PCDH15: variants seen among roughly 807,000 people sequenced by gnomAD.
PCDH15 encodes the protein protocadherin-15.
In PCDH15, 129 loss-of-function variants were observed where a neutral mutation model predicts 178.5. The ratio of observed to expected loss-of-function variants is 0.72; its 90% confidence interval spans 0.63 to 0.84. The LOEUF (loss-of-function observed/expected upper bound fraction) is 0.84, where lower values mean the gene tolerates loss of function less well. Among genes scored for constraint, PCDH15 ranks in the 40% least tolerant of loss-of-function variants. The probability of loss-of-function intolerance (pLI) is 0.00; values close to 1 mark genes in which losing one functional copy is unlikely to be tolerated. For synonymous variants in PCDH15, 800 were observed against 732.0 expected, an observed-to-expected ratio of 1.09 and a Z score of -1.50; for missense variants, 2,230 against 2,099.9, an observed-to-expected ratio of 1.06 and a Z score of -1.21.
chr10:53,948,920 G>A (rs2086790240), intron 23 of PCDH15, among the ~76,000 whole-genome samples: 1 of 152,090 alleles, frequency 6.6e-6, no homozygotes, highest in African/African-American at 2.4e-5. Flanking sequence ...TAAAATTAAT[G>A]TATCCTACTG....
chr10:54,408,599 C>T (rs2135583446), intron 3 of PCDH15, among the ~76,000 whole-genome samples: 1 of 152,284 alleles, frequency 6.6e-6, no homozygotes, highest in African/African-American at 2.4e-5. Context: ...TTACACAAAA[C>T]TTATTCCAAC....
chr10:55,409,110 A>C (rs1210042766), intron 2 of PCDH15, among the ~76,000 whole-genome samples: 18 of 150,240 alleles, frequency 1.2e-4, no homozygotes, highest in Admixed American at 1.2e-3. Context: ...TGTGTTCAAT[A>C]GATCAGTGAC....
At chr10:55,013,557 A>T (rs920984752) in intron 2 of PCDH15, among the ~76,000 whole-genome samples, 2 of 152,070 alleles carry the variant, frequency 1.3e-5, no homozygotes, top group South Asian at 4.2e-4. Context: ...TGCTTAGTAA[A>T]CTGCAGTACC....
chr10:53,839,703 C>T (rs2077525656), intron 29 of PCDH15, among the ~76,000 whole-genome samples: 1 of 151,166 alleles, frequency 6.6e-6, no homozygotes, highest in Non-Finnish European at 1.5e-5. Context: ...TTTAAGTGTG[C>T]TCGAATAACA....
chr10:53,942,543 T>A (rs2086162168), intron 23 of PCDH15, among the ~76,000 whole-genome samples: 1 of 152,314 alleles, frequency 6.6e-6, no homozygotes, highest in Non-Finnish European at 1.5e-5. Flanking sequence ...GCCAACTTTT[T>A]GGGTATATCC....
chr10:54,309,192 A>T (rs2060740250), intron 8 of PCDH15, among the ~76,000 whole-genome samples: 1 of 152,030 alleles, frequency 6.6e-6, no homozygotes, highest in Non-Finnish European at 1.5e-5. Flanking sequence ...CAAGAATTAT[A>T]ACCTGGGACT....
At chr10:53,900,276 C>T (rs2082254543) in intron 26 of PCDH15, among the ~76,000 whole-genome samples, 2 of 149,680 alleles carry the variant, frequency 1.3e-5, no homozygotes, top group South Asian at 4.3e-4. Context: ...CTTTCTCTCA[C>T]TATTGTATAA....
At chr10:54,985,233 T>G (rs1839333065) in intron 2 of PCDH15, among the ~76,000 whole-genome samples, 1 of 152,220 alleles carries the variant, frequency 6.6e-6, no homozygotes, top group Non-Finnish European at 1.5e-5. Flanking sequence ...ATATACAATT[T>G]GTGAATCTTA....
At chr10:55,029,530 T>C in intron 2 of PCDH15, among the ~76,000 whole-genome samples, 1 of 151,784 alleles carries the variant, frequency 6.6e-6, no homozygotes, top group Non-Finnish European at 1.5e-5. Context: ...TAAAACAAAA[T>C]AAGAAAAATA....
intron 8 of PCDH15, among the ~76,000 whole-genome samples, chr10:54,265,639 A>C (rs901263959): frequency 2.6e-5 from 4 of 152,130 alleles, no homozygotes; most frequent in Admixed American, 6.6e-5. Flanking sequence ...ATCAGAAAAA[A>C]CAGATCTTAA....
Position 55,278,444 on chromosome 10 carries a change from C to T in PCDH15, c.-156+41155G>A, listed in dbSNP as rs191899864. Among the ~76,000 whole-genome samples, 22 of 152,072 alleles carry T rather than the reference C, an allele frequency of 1.4e-4. No individual in the cohort carries two copies. The East Asian group carries it at 3.3e-3, about 23-fold the overall frequency. ...CTCACTATGTTGGTCAGGCTGGTTA[C>T]GAACTCCTGGCCTCAAGTGATCCTC... On this transcript the variant is annotated intron_variant, in intron 1 of 5. Coordinates refer to the PCDH15 transcript ENST00000458638.
intron 1 of PCDH15, among the ~76,000 whole-genome samples, chr10:55,227,612 A>G (rs1841088955): frequency 6.6e-6 from 1 of 152,138 alleles, no homozygotes; most frequent in South Asian, 2.1e-4. Flanking sequence ...ATACAAATGT[A>G]AGGCTTAAGT....
At chr10:54,342,121 A>G (rs1198677370) in intron 6 of PCDH15, among the ~76,000 whole-genome samples, 5 of 152,218 alleles carry the variant, frequency 3.3e-5, no homozygotes, top group African/African-American at 1.2e-4. Flanking sequence ...CTGGGTGCAG[A>G]AATTTGCATA....
At chr10:54,153,378 G>T in intron 13 of PCDH15, 85 bp from the exon 14 acceptor site, 2 of 1,460,564 alleles carry the variant, frequency 1.4e-6, no homozygotes, top group East Asian at 2.3e-5. Flanking sequence ...AAAGAAGCTT[G>T]CTTTCAAAGA....
chr10:54,749,054 C>T (rs562912984), intron 1 of PCDH15, among the ~76,000 whole-genome samples: 1 of 152,194 alleles, frequency 6.6e-6, no homozygotes, highest in East Asian at 1.9e-4. Flanking sequence ...TGAAAAAGTA[C>T]CTTGACTAAG....
At chr10:53,917,079 TA>T (rs1316789879) in intron 25 of PCDH15, among the ~76,000 whole-genome samples, 1 of 152,118 alleles carries the variant, frequency 6.6e-6, no homozygotes, top group East Asian at 1.9e-4. Flanking sequence ...TTAGTGCAAG[TA>T]AAATAATTTT....
At chr10:55,508,969 CAAAAA>C (rs569542660) in intron 2 of PCDH15, among the ~76,000 whole-genome samples, 2 of 150,148 alleles carry the variant, frequency 1.3e-5, no homozygotes, top group Admixed American at 6.7e-5. Flanking sequence ...CAAAACAAAA[CAAAAA>C]AAAATATTTT....
At chr10:55,151,854 A>G (rs559357252) in intron 2 of PCDH15, among the ~76,000 whole-genome samples, 1 of 152,238 alleles carries the variant, frequency 6.6e-6, no homozygotes, top group African/African-American at 2.4e-5. Context: ...GAAATGACAC[A>G]TGTAAATAGA....
chr10:54,253,243 T>G (rs564652970), intron 8 of PCDH15, among the ~76,000 whole-genome samples: 1 of 152,210 alleles, frequency 6.6e-6, no homozygotes, highest in African/African-American at 2.4e-5. Context: ...AATTTTCATA[T>G]GTTGATTGAA....
Sources: gnomAD v4.1 joint callset for allele counts (sites outside exome capture counted in the v4.1 genomes callset) on GRCh38, gnomAD v4.1.1 for gene constraint, MANE v1.5 for transcripts, NCBI Gene and HGNC (gene_info 2026-07-23, HGNC 2026-07-21) for gene names.